PCNX2: variants seen among roughly 807,000 people sequenced by gnomAD.
The protein encoded by PCNX2 is pecanex-like protein 2.
PCNX2 carries 168 observed loss-of-function variants against 223.8 expected under a neutral mutation model. The ratio of observed to expected loss-of-function variants is 0.75; its 90% CI spans 0.66 to 0.85. PCNX2 has a LOEUF of 0.85. PCNX2 is among the 40% of genes least tolerant of loss of function. The pLI is 0.00. For missense variants in PCNX2, 2,507 were observed against 2,675.5 expected, an observed-to-expected ratio of 0.94 and a Z score of 1.39; for synonymous variants, 1,006 against 1,052.6, an observed-to-expected ratio of 0.96 and a Z score of 0.86.
chr1:233,294,386 C>T (rs1326764673), intron 1 of PCNX2, among the ~76,000 whole-genome samples: 1 of 152,184 alleles, frequency 6.6e-6, no homozygotes, highest in Non-Finnish European at 1.5e-5. Context: ...GGCATCATGA[C>T]TTCACACCCA....
rs1677131256 is a variant in PCNX2, at chr1:233,141,735, A to AAATG, written c.3518-1881_3518-1880insCATT. On this transcript the variant is annotated intron_variant, in intron 19 of 33. Transcript: ENST00000258229. ...TATATATCTGTGTGTGTAAATGTGT[A>AAATG]TATATATATATGGGTATATATGTGT... Among the ~76,000 whole-genome samples, 11 of 25,710 alleles carry AAATG rather than the reference A, an allele frequency of 4.3e-4. 1 individual carries two copies. The highest frequency in any genetic ancestry group is 3.0e-3 in the East Asian group (3 of 1,008). The allele number at this position is 25,710 out of a possible 152,430, so 16.9% of individuals were successfully genotyped here.
chr1:233,261,785 A>T (rs1660057643), intron 3 of PCNX2, among the ~76,000 whole-genome samples: 1 of 152,250 alleles, frequency 6.6e-6, no homozygotes, highest in Admixed American at 6.5e-5. Context: ...TTCTCTGCCC[A>T]GTGTGGTTGA....
chr1:233,004,058 C>T (rs901639080), intron 28 of PCNX2, among the ~76,000 whole-genome samples: 13 of 151,736 alleles, frequency 8.6e-5, no homozygotes, highest in African/African-American at 2.9e-4. Context: ...ATGTAGATGA[C>T]GGATTGATGG....
chr1:233,044,195 A>G (rs1470646916), intron 25 of PCNX2, among the ~76,000 whole-genome samples: 1 of 152,188 alleles, frequency 6.6e-6, no homozygotes, highest in African/African-American at 2.4e-5. Context: ...TTTTGGCTGC[A>G]TAAATGTCTT....
chr1:233,062,879 A>G (rs1311796606), intron 23 of PCNX2, among the ~76,000 whole-genome samples: 2 of 152,206 alleles, frequency 1.3e-5, no homozygotes, highest in Non-Finnish European at 2.9e-5. Flanking sequence ...AAATTTGAAA[A>G]CATAAATGAA....
At position 233,025,086 on chromosome 1, in the gene PCNX2, C is replaced by T. The variant is rs1038662584; in HGVS notation, c.4605+60G>A. Reference sequence around the variant, plus strand: ...AATTTAGCTTTCGACAGAGCTCTTTCGGAGCTTCCTGTGCCATCCTAGCAT... The same window carrying T: ...AATTTAGCTTTCGACAGAGCTCTTTTGGAGCTTCCTGTGCCATCCTAGCAT... On this transcript the variant is annotated intron_variant, in intron 26 of 33. Coordinates refer to ENST00000258229, the MANE Select transcript of PCNX2 (RefSeq NM_014801.4). 1.8e-5 allele frequency: 28 copies of T among 1,588,414 alleles called. No homozygotes were observed. In the Admixed American group the frequency reaches 2.9e-4, roughly 16 times the overall value.
chr1:233,302,645 C>CATATATATATATAT, the PCNX2 span, among the ~76,000 whole-genome samples: 613 of 147,490 alleles, frequency 4.2e-3, 4 homozygotes, highest in African/African-American at 8.6e-3. Flanking sequence ...CTCCTTCCAT[C>CATATATATATATAT]ATATATATAT....
the PCNX2 span, among the ~76,000 whole-genome samples, chr1:233,320,334 C>T: frequency 6.6e-6 from 1 of 151,956 alleles, no homozygotes; most frequent in Non-Finnish European, 1.5e-5. Flanking sequence ...CAGATTTCAC[C>T]AGTCCTACAT....
chr1:233,173,179 T>C (rs941974929), intron 17 of PCNX2, among the ~76,000 whole-genome samples: 1 of 150,534 alleles, frequency 6.6e-6, no homozygotes, highest in African/African-American at 2.4e-5. Context: ...TTTTTTTTTT[T>C]CTCTTTTTAA....
intron 23 of PCNX2, among the ~76,000 whole-genome samples, chr1:233,062,249 T>G (rs568650294): frequency 1.3e-5 from 2 of 152,292 alleles, no homozygotes; most frequent in South Asian, 4.1e-4. Flanking sequence ...CTGAAAAGGT[T>G]TTTTTCATTT....
chr1:233,022,609 G>T lies in PCNX2; in HGVS notation c.4605+2537C>A, dbSNP rs547230627. 8.9e-5 allele frequency among the ~76,000 whole-genome samples: 6 copies of T among 67,400 alleles called. No individual in the cohort carries two copies. In the East Asian group the frequency reaches 1.1e-3, roughly 12 times the overall value. The allele number at this position is 67,400 out of a possible 152,430, so 44.2% of individuals were successfully genotyped here. ...GTACACAAAACAGTGAGAGATGGGGGGGGAGTGGGAAACACAGCCAGTGGC... is the reference window on the plus strand; with the variant it reads ...GTACACAAAACAGTGAGAGATGGGGTGGGAGTGGGAAACACAGCCAGTGGC... On this transcript the variant is annotated intron_variant, in intron 26 of 33. Coordinates refer to ENST00000258229, the MANE Select transcript of PCNX2 (RefSeq NM_014801.4).
At chr1:233,069,410 T>G (rs1251805165) in intron 23 of PCNX2, among the ~76,000 whole-genome samples, 1 of 152,172 alleles carries the variant, frequency 6.6e-6, no homozygotes, top group Non-Finnish European at 1.5e-5. Context: ...GACTACACAT[T>G]CTTTTATAGT....
chr1:233,286,222 A>G (rs1661436486), intron 1 of PCNX2, among the ~76,000 whole-genome samples: 2 of 152,144 alleles, frequency 1.3e-5, no homozygotes. Context: ...CAGTCAGAAG[A>G]GAAGCGCTTC....
In PCNX2 at chr1:233,054,297, G is replaced by A. The variant is rs765941027; in HGVS notation, c.4322C>T (p.Thr1441Ile). 2 of 1,613,808 alleles carry A rather than the reference G, an allele frequency of 1.2e-6. No individual in the cohort carries two copies. The highest frequency in any genetic ancestry group is 3.3e-5 in the Admixed American group (2 of 59,988). ...HLIEIGNGLV[T>I]FQLRGLEFRG... ...GAATTCCAGTCCTCGAAGTTGAAAG[G>A]TGACAAGACCATTTCCAATTTCAAT... Residue 1441 changes from threonine to isoleucine, a missense_variant, in exon 25 of 34, where the codon ACC becomes ATC. Transcript: ENST00000258229.
intron 28 of PCNX2, among the ~76,000 whole-genome samples, chr1:233,007,405 G>A (rs1461326739): frequency 1.3e-5 from 2 of 152,108 alleles, no homozygotes; most frequent in South Asian, 2.1e-4. Flanking sequence ...TAAGATGGGT[G>A]GGAGCAAATA....
intron 1 of PCNX2, among the ~76,000 whole-genome samples, chr1:233,279,567 G>A (rs1257221220): frequency 6.6e-6 from 1 of 152,050 alleles, no homozygotes; most frequent in Non-Finnish European, 1.5e-5. Flanking sequence ...TTACAGGTGT[G>A]AGCCACCACC....
chr1:233,056,676 A>G (rs564940186), intron 24 of PCNX2, among the ~76,000 whole-genome samples: 1 of 152,348 alleles, frequency 6.6e-6, no homozygotes, highest in South Asian at 2.1e-4. Flanking sequence ...CAAAGAAGGG[A>G]GTGAGGAGGA....
At chr1:233,168,652 T>A (rs1678946473) in intron 17 of PCNX2, among the ~76,000 whole-genome samples, 1 of 152,156 alleles carries the variant, frequency 6.6e-6, no homozygotes, top group African/African-American at 2.4e-5. Context: ...CCATGATGAA[T>A]TATGCTGAAA....
At chr1:233,099,819 C>T (rs1234014464) in intron 21 of PCNX2, among the ~76,000 whole-genome samples, 1 of 152,192 alleles carries the variant, frequency 6.6e-6, no homozygotes, top group Non-Finnish European at 1.5e-5. Context: ...TAAGATAAGA[C>T]TTAATGGAAA....
Sources: allele counts gnomAD v4.1 joint callset (sites outside exome capture counted in the v4.1 genomes callset), GRCh38; gene constraint gnomAD v4.1.1; transcripts MANE v1.5; gene names NCBI Gene and HGNC (gene_info 2026-07-23, HGNC 2026-07-21).